MYH14: variants seen among roughly 807,000 people sequenced by gnomAD.
The protein encoded by MYH14 is myosin heavy chain 14.
A neutral mutation model predicts 255.5 loss-of-function variants in MYH14; 123 were observed. The observed-to-expected ratio is 0.48, with a 90% CI of 0.42 to 0.56. The LOEUF (loss-of-function observed/expected upper bound fraction) is 0.56, where lower values mean the gene tolerates loss of function less well. Among genes scored for constraint, MYH14 ranks in the 20% least tolerant of loss-of-function variants. MYH14 has a pLI of 0.00. For synonymous variants in MYH14, 1,095 were observed against 1,161.2 expected, an observed-to-expected ratio of 0.94 and a Z score of 1.16; for missense variants, 2,423 against 2,802.3, an observed-to-expected ratio of 0.86 and a Z score of 3.06.
At chr19:50,210,100 A>G in intron 1 of MYH14, among the ~76,000 whole-genome samples, 1 of 100,674 alleles carries the variant, frequency 9.9e-6, no homozygotes, top group African/African-American at 4.3e-5. Flanking sequence ...CCGTCTCAAA[A>G]AAAAAAAAAA....
Position 50,206,430 on chromosome 19 carries a change from G to A in MYH14, c.-4+2759G>A, listed in dbSNP as rs546287442. On this transcript the variant is annotated intron_variant, in intron 1 of 42. Transcript: ENST00000642316. ...GGATGGGGTGGGGTGGGGTGGGTGG[G>A]GGTGAGGGTAAAGTCCCAGGGATGG... Among the ~76,000 whole-genome samples the A allele has an allele frequency of 1.0e-3, 156 of 149,976 alleles. 2 individuals are homozygous for A. Among genetic ancestry groups the A allele is most frequent in the Non-Finnish European group, 1.8e-3 (119 of 67,376 alleles).
In MYH14 at chr19:50,309,963, G is replaced by T. The variant is rs1235649838; in HGVS notation, c.*173G>T. The stretch of plus-strand genomic sequence containing the variant: ...GGTCCCCTGCAACCTCCCATCAAAG[G>T]ATGACCCCTAAACACAGAGGAGCGG... On this transcript the variant is annotated 3_prime_UTR_variant, in exon 43 of 43. Coordinates refer to ENST00000642316, the MANE Select transcript of MYH14 (RefSeq NM_001145809.2). The T allele has an allele frequency of 1.4e-6, 1 of 724,660 alleles. No homozygotes were observed. Among genetic ancestry groups the T allele is most frequent in the South Asian group, 1.6e-5 (1 of 62,996 alleles). The allele number at this position is 724,660 out of a possible 1,614,324, so 44.9% of individuals were successfully genotyped here.
chr19:50,306,001 G>A (rs926996344), intron 40 of MYH14, among the ~76,000 whole-genome samples: 3 of 150,968 alleles, frequency 2.0e-5, no homozygotes, highest in East Asian at 2.0e-4. Context: ...AGTCTCAGCC[G>A]GGCGCAGTGG....
chr19:50,299,340 C>T (rs1043528897), intron 39 of MYH14, among the ~76,000 whole-genome samples: 15 of 151,852 alleles, frequency 9.9e-5, no homozygotes, highest in African/African-American at 3.6e-4. Flanking sequence ...GAGGCCGAGG[C>T]GGGCAGATCA....
chr19:50,246,471 G>C (rs1305378396), intron 11 of MYH14, among the ~76,000 whole-genome samples: 3 of 151,960 alleles, frequency 2.0e-5, no homozygotes, highest in Non-Finnish European at 4.4e-5. Context: ...AGTGACTGCA[G>C]AACATTCTTT....
chr19:50,225,235 C>T (rs113379154), intron 6 of MYH14, among the ~76,000 whole-genome samples: 45 of 152,318 alleles, frequency 3.0e-4, no homozygotes, highest in African/African-American at 1.1e-3. Flanking sequence ...CATATGTTTA[C>T]AAACATGTAT....
chr19:50,276,012 C>T lies in MYH14; in HGVS notation c.3489C>T (p.Ala1163=), dbSNP rs1379253595. The change falls in exon 28 of 43, where the codon GCC becomes GCT. Residue 1163 remains alanine, a synonymous_variant. Coordinates refer to ENST00000642316, the MANE Select transcript of MYH14 (RefSeq NM_001145809.2). The surrounding 1 kb of genome is among the most constrained non-coding windows in gnomAD (Gnocchi z 4.3). ...CCAGGGCAGAAGACGAGGGTGGGGC[C>T]CGGGCCCAGCTGCTGAAATCCCTGC... The part of the protein sequence containing the change: ...ALARAEDEGG[A]RAQLLKSLRE... The T allele has an allele frequency of 2.5e-6, 4 of 1,612,726 alleles. No homozygotes were observed. In the Admixed American group the frequency reaches 6.7e-5, roughly 27 times the overall value.
intron 41 of MYH14, among the ~76,000 whole-genome samples, chr19:50,308,163 C>T (rs2036717170): frequency 6.6e-6 from 1 of 152,050 alleles, no homozygotes; most frequent in Non-Finnish European, 1.5e-5. Flanking sequence ...TAAATTGATA[C>T]CTGAAGGGTG....
At chr19:50,209,018 G>A (rs1316935205) in intron 1 of MYH14, among the ~76,000 whole-genome samples, 1 of 152,018 alleles carries the variant, frequency 6.6e-6, no homozygotes, top group Non-Finnish European at 1.5e-5. Context: ...AGTAGGCATG[G>A]TGGCATGCCT....
chr19:50,244,684 C>T (rs1298119806), intron 11 of MYH14, among the ~76,000 whole-genome samples: 1 of 151,948 alleles, frequency 6.6e-6, no homozygotes, highest in African/African-American at 2.4e-5. Flanking sequence ...GGAGTGTCAC[C>T]GTGTTAACCA....
intron 8 of MYH14, among the ~76,000 whole-genome samples, chr19:50,228,981 GCTGA>G (rs1050994122): frequency 3.3e-5 from 5 of 152,182 alleles, no homozygotes; most frequent in Admixed American, 6.5e-5. Flanking sequence ...TTTCTGGAGT[GCTGA>G]CTGTGTGCCC....
At position 50,276,103 on chromosome 19, in the gene MYH14, A is replaced by G. The variant is rs772826690; in HGVS notation, c.3580A>G (p.Lys1194Glu). Residue 1194 changes from lysine to glutamate, a missense_variant, in exon 28 of 43, where the codon AAG becomes GAG. This residue lies in a region of MYH14 where 1,513 missense variants were observed against 1,674.8 expected (regional missense o/e 0.90). Coordinates refer to ENST00000642316, the MANE Select transcript of MYH14 (RefSeq NM_001145809.2). This position sits in a 1 kb window ranked among gnomAD's most constrained non-coding sequence, Gnocchi z 4.3. ...DLESERVART[K>E]AEKQRRDLGE... ...GGAGTCTGAGCGTGTGGCCAGGACCAAGGCGGAGAAGCAGCGCCGGGACCT... is the reference window on the plus strand; with the variant it reads ...GGAGTCTGAGCGTGTGGCCAGGACCGAGGCGGAGAAGCAGCGCCGGGACCT... 8.1e-6 allele frequency: 13 copies of G among 1,607,050 alleles called. No homozygotes were observed. The Admixed American group carries it at 2.0e-4, about 25-fold the overall frequency.
chr19:50,244,584 C>T (rs573613889), intron 11 of MYH14, among the ~76,000 whole-genome samples: 4 of 151,304 alleles, frequency 2.6e-5, no homozygotes, highest in East Asian at 2.0e-4. Flanking sequence ...CCCGGGTTCA[C>T]ACCATTCTCC....
At chr19:50,222,661 C>T (rs1387030119) in intron 3 of MYH14, among the ~76,000 whole-genome samples, 2 of 152,018 alleles carry the variant, frequency 1.3e-5, no homozygotes, top group African/African-American at 2.4e-5. Flanking sequence ...AGTAGGTGGT[C>T]AGCATGTGAT....
rs1360544961 is a variant in MYH14, at chr19:50,231,996, G to T, written c.1040G>T (p.Gly347Val). ...FLTNGPSSSP[G>V]QERELFQETL... ...ACCAACGGGCCGTCATCCTCTCCCGGCCAGGAGCGGGAACTCTTCCAGGAG... is the reference window on the plus strand; with the variant it reads ...ACCAACGGGCCGTCATCCTCTCCCGTCCAGGAGCGGGAACTCTTCCAGGAG... Residue 347 changes from glycine (G) to valine (V), a missense_variant, in exon 10 of 43, where the codon GGC (glycine) becomes GTC (valine). Transcript: ENST00000642316. The T allele has an allele frequency of 6.2e-7, 1 of 1,613,836 alleles. No homozygotes were observed. Among genetic ancestry groups the T allele is most frequent in the Non-Finnish European group, 8.5e-7 (1 of 1,179,910 alleles).
In MYH14 at chr19:50,230,429, G is replaced by A. The variant is rs2033314582; in HGVS notation, c.875-96G>A. Reference sequence around the variant, plus strand: ...TGAGCGACTCCACTACACCACAGGAGAGAAGGGGGCAGCGTGGGCAGGGCA... The same window carrying A: ...TGAGCGACTCCACTACACCACAGGAAAGAAGGGGGCAGCGTGGGCAGGGCA... On this transcript the variant is annotated intron_variant, in intron 8 of 42. Coordinates refer to ENST00000642316, the MANE Select transcript of MYH14 (RefSeq NM_001145809.2). The surrounding 1 kb of genome is among the most constrained non-coding windows in gnomAD (Gnocchi z 4.7). The A allele has an allele frequency of 2.7e-6, 3 of 1,099,758 alleles. No homozygotes were observed. 68.1% of individuals were successfully genotyped at this position (1,099,758 alleles called of 1,614,324 possible).
At chr19:50,217,149 C>T (rs577369731) in intron 2 of MYH14, among the ~76,000 whole-genome samples, 4 of 152,276 alleles carry the variant, frequency 2.6e-5, no homozygotes, top group South Asian at 2.1e-4. Flanking sequence ...TAGCTCCTCA[C>T]GCAGTCCTCA....
intron 9 of MYH14, among the ~76,000 whole-genome samples, chr19:50,231,307 A>G (rs2123234394): frequency 6.6e-6 from 1 of 152,274 alleles, no homozygotes; most frequent in East Asian, 1.9e-4. Flanking sequence ...CTGCCATCCC[A>G]TGGCCTGTGC....
Position 50,210,687 on chromosome 19 carries a change from G to A in MYH14, c.322G>A (p.Glu108Lys), listed in dbSNP as rs374397467. Residue 108 changes from glutamate (E) to lysine (K), a missense_variant, in exon 2 of 43, where the codon GAG (glutamate) becomes AAG (lysine). Around this residue, in one of 3 missense-constraint regions of MYH14, gnomAD observed 238 missense variants for 245.8 expected, o/e 0.97. Coordinates refer to ENST00000642316, the MANE Select transcript of MYH14 (RefSeq NM_001145809.2). ...GAACCCGCCCAAGTTCAGCAAGGCCGAGGACATGGCCGAGCTGACCTGCCT... is the reference window on the plus strand; with the variant it reads ...GAACCCGCCCAAGTTCAGCAAGGCCAAGGACATGGCCGAGCTGACCTGCCT... ...RMNPPKFSKA[E>K]DMAELTCLNE... 1.0e-5 allele frequency: 16 copies of A among 1,570,312 alleles called. No homozygotes were observed. Among genetic ancestry groups the A allele is most frequent in the Non-Finnish European group, 1.1e-5 (13 of 1,159,704 alleles).
Sources: allele counts gnomAD v4.1 joint callset (sites outside exome capture counted in the v4.1 genomes callset), GRCh38; gene constraint gnomAD v4.1.1; regional missense constraint gnomAD v4.1.1; non-coding constraint Gnocchi (gnomAD v3.1); transcripts MANE v1.5; gene names NCBI Gene and HGNC (gene_info 2026-07-23, HGNC 2026-07-21).